MEGF6: variants seen among roughly 807,000 people sequenced by gnomAD.
The protein encoded by MEGF6 is multiple EGF like domains 6, also known as multiple epidermal growth factor-like domains protein 6.
Under a neutral mutation model 207.1 loss-of-function variants are expected in MEGF6, and 184 were observed. The observed-to-expected ratio is 0.89, with a 90% CI of 0.79 to 1.00. The LOEUF (loss-of-function observed/expected upper bound fraction) is 1.00. MEGF6 is among the 50% of genes least tolerant of loss of function. The probability of loss-of-function intolerance (pLI) is 0.00; values close to 1 mark genes in which losing one functional copy is unlikely to be tolerated. For synonymous variants in MEGF6, 1,038 were observed against 910.0 expected (o/e 1.14, Z -2.53); for missense variants, 2,282 against 2,202.9 (o/e 1.04, Z -0.72).
chr1:3,581,297 C>T (rs1277618268), intron 3 of MEGF6, among the ~76,000 whole-genome samples: 1 of 152,102 alleles, frequency 6.6e-6, no homozygotes, highest in Non-Finnish European at 1.5e-5. Context: ...CTACCATTGC[C>T]CCAGGCATGG....
chr1:3,496,162 C>A, intron 29 of MEGF6, 144 bp from the exon 30 acceptor site: 2 of 1,237,358 alleles, frequency 1.6e-6, no homozygotes, highest in Non-Finnish European at 2.2e-6. Context: ...AACTCTCATG[C>A]ACCCACCCTG....
intron 2 of MEGF6, among the ~76,000 whole-genome samples, chr1:3,598,832 C>G (rs2794328): frequency 6.6e-6 from 1 of 151,616 alleles, no homozygotes; most frequent in African/African-American, 2.4e-5. Flanking sequence ...CAGCTCCACC[C>G]TCAGAGCCCC....
intron 32 of MEGF6, 90 bp downstream of exon 32, chr1:3,494,281 C>G: frequency 2.0e-6 from 3 of 1,475,358 alleles, no homozygotes; most frequent in Non-Finnish European, 1.8e-6. Flanking sequence ...CACCTCCCCA[C>G]CACTTCACTG....
intron 4 of MEGF6, among the ~76,000 whole-genome samples, chr1:3,533,393 A>G (rs917170935): frequency 6.6e-6 from 1 of 152,228 alleles, no homozygotes; most frequent in African/African-American, 2.4e-5. Context: ...GCACGGATAG[A>G]CAGGCTGACG....
At chr1:3,491,648 T>C (rs1191271987) in intron 35 of MEGF6, among the ~76,000 whole-genome samples, 1 of 152,020 alleles carries the variant, frequency 6.6e-6, no homozygotes, top group African/African-American at 2.4e-5. Flanking sequence ...AAGCAGAGCC[T>C]GCAGCCTGGC....
chr1:3,553,283 G>A (rs1056676423), intron 4 of MEGF6, among the ~76,000 whole-genome samples: 3 of 151,732 alleles, frequency 2.0e-5, no homozygotes, highest in East Asian at 1.9e-4. Context: ...CCACCCCAGG[G>A]TACTCCGGGT....
intron 5 of MEGF6, among the ~76,000 whole-genome samples, chr1:3,516,494 C>T (rs1052582661): frequency 3.3e-5 from 5 of 152,200 alleles, no homozygotes; most frequent in African/African-American, 1.2e-4. Flanking sequence ...ACCAAAGCGC[C>T]GAGACTCTCT....
chr1:3,582,072 G>GC (rs1643810301), intron 3 of MEGF6, among the ~76,000 whole-genome samples: 1 of 152,242 alleles, frequency 6.6e-6, no homozygotes, highest in Non-Finnish European at 1.5e-5. Flanking sequence ...AGCTGACTCT[G>GC]CCGGCGGAGA....
At chr1:3,601,069 C>T (rs6703681) in intron 2 of MEGF6, among the ~76,000 whole-genome samples, 1,570 of 152,328 alleles carry the variant, frequency 0.01, 10 homozygotes, top group Non-Finnish European at 0.017. Context: ...CACGGCTGCC[C>T]CCAGTGCCCT....
chr1:3,497,295 C>T lies in MEGF6; in HGVS notation c.3419G>A (p.Cys1140Tyr). ...QRCSCPPGAA[C>Y]HHVTGACRCP... is the part of the protein sequence containing the mutation. ...GCGGCAGGCCCCAGTGACGTGGTGG[C>T]AGGCAGCGCCAGGCGGGCAGCTGCA... Residue 1140 changes from cysteine to tyrosine, a missense_variant, in exon 27 of 37, where the codon TGC becomes TAC. Cys to Tyr is a radical substitution (Grantham distance 194). Coordinates refer to ENST00000356575, the MANE Select transcript of MEGF6 (RefSeq NM_001409.4). The T allele has an allele frequency of 6.5e-7, 1 of 1,548,130 alleles. No individual in the cohort carries two copies. The highest frequency in any genetic ancestry group is 2.3e-5 in the East Asian group (1 of 44,010).
chr1:3,570,100 C>T (rs543574824), intron 4 of MEGF6, among the ~76,000 whole-genome samples: 1 of 152,324 alleles, frequency 6.6e-6, no homozygotes, highest in South Asian at 2.1e-4. Flanking sequence ...TCTCAGTCTC[C>T]CCAGCTGTCC....
intron 17 of MEGF6, among the ~76,000 whole-genome samples, chr1:3,504,019 G>A (rs983611016): frequency 2.0e-5 from 3 of 152,106 alleles, no homozygotes; most frequent in Admixed American, 6.5e-5. Flanking sequence ...CTCCCTCTGC[G>A]GACCCCTTCT....
intron 3 of MEGF6, among the ~76,000 whole-genome samples, chr1:3,592,757 G>A (rs943626991): frequency 6.6e-6 from 1 of 152,082 alleles, no homozygotes; most frequent in African/African-American, 2.4e-5. Context: ...AACAGGGAGC[G>A]GCCAGAGAAG....
intron 11 of MEGF6, among the ~76,000 whole-genome samples, chr1:3,509,472 C>T: frequency 6.6e-6 from 1 of 152,182 alleles, no homozygotes; most frequent in Admixed American, 6.5e-5. Context: ...CTGAACCCGG[C>T]CCCTCTGCCC....
intron 3 of MEGF6, among the ~76,000 whole-genome samples, chr1:3,580,189 G>C (rs1643758442): frequency 6.6e-6 from 1 of 151,884 alleles, no homozygotes; most frequent in South Asian, 2.1e-4. Context: ...CACCTAGATG[G>C]GGAGGAGCCA....
chr1:3,531,893 G>GA (rs1315359975), intron 4 of MEGF6, among the ~76,000 whole-genome samples: 1 of 152,210 alleles, frequency 6.6e-6, no homozygotes, highest in South Asian at 2.1e-4. Context: ...CAAGGGTGGG[G>GA]AAGATGGGGA....
chr1:3,620,454 C>T, the MEGF6 span, among the ~76,000 whole-genome samples: 40 of 152,202 alleles, frequency 2.6e-4, no homozygotes, highest in Admixed American at 2.1e-3. Flanking sequence ...AGGCGGAGCC[C>T]GTAGGTGTGC....
rs372851747 is a variant in MEGF6 at position 3,507,927 on chromosome 1, C to G, written c.1661-4G>C. 2 of 1,609,248 alleles carry G rather than the reference C, an allele frequency of 1.2e-6. No individual in the cohort carries two copies. Among genetic ancestry groups the G allele is most frequent in the African/African-American group, 2.7e-5 (2 of 74,876 alleles). On this transcript the variant is annotated splice_region_variant and splice_polypyrimidine_tract_variant and intron_variant, in intron 13 of 36. Coordinates refer to ENST00000356575, the MANE Select transcript of MEGF6 (RefSeq NM_001409.4). ...CCAAAGGTGTCCGGAGGACAAGCTA[C>G]AAAGAATGACAGGGAAGCGTCAGGG... is the stretch of plus-strand genomic sequence containing the variant.
At chr1:3,567,705 G>A (rs1227134792) in intron 4 of MEGF6, among the ~76,000 whole-genome samples, 1 of 152,222 alleles carries the variant, frequency 6.6e-6, no homozygotes, top group Non-Finnish European at 1.5e-5. Context: ...TCACCCTGCA[G>A]GCCGGGGTTG....
Sources: allele counts gnomAD v4.1 joint callset (sites outside exome capture counted in the v4.1 genomes callset), GRCh38; gene constraint gnomAD v4.1.1; transcripts MANE v1.5; gene names NCBI Gene and HGNC (gene_info 2026-07-23, HGNC 2026-07-21).